BOD1L1: variants seen among roughly 807,000 people sequenced by gnomAD.
The protein encoded by BOD1L1 is biorientation of chromosomes in cell division 1 like 1, also known as biorientation of chromosomes in cell division protein 1-like 1.
In BOD1L1, 86 loss-of-function variants were observed where a neutral mutation model predicts 240.7. The ratio of observed to expected loss-of-function variants is 0.36; its 90% CI spans 0.30 to 0.43. BOD1L1 has a LOEUF of 0.43. BOD1L1 is among the 20% of genes least tolerant of loss of function. The pLI, the probability that BOD1L1 is intolerant of heterozygous loss-of-function variation, is 1.00. For synonymous variants in BOD1L1, 1,268 were observed against 1,272.3 expected, an observed-to-expected ratio of 1.00 and a Z score of 0.07; for missense variants, 3,554 against 3,643.5, an observed-to-expected ratio of 0.98 and a Z score of 0.63.
At position 13,595,842 on chromosome 4, in the gene BOD1L1, C is replaced by T. The variant is rs1195218878; in HGVS notation, c.8104+18G>A. Reference sequence around the variant, plus strand: ...GCAAAAACAAAAACAATGTGAACAACCATTCTAAAGAGCTCACCTATTCCA... The same window carrying T: ...GCAAAAACAAAAACAATGTGAACAATCATTCTAAAGAGCTCACCTATTCCA... On this transcript the variant is annotated intron_variant, in intron 12 of 25. Coordinates refer to ENST00000040738, the MANE Select transcript of BOD1L1 (RefSeq NM_148894.3). The T allele has an allele frequency of 1.9e-6, 3 of 1,599,466 alleles. No homozygotes were observed. Among genetic ancestry groups the T allele is most frequent in the African/African-American group, 1.3e-5 (1 of 74,182 alleles).
rs1051479176 is a variant in BOD1L1, at chr4:13,627,537, G to A, written c.51C>T (p.Pro17=). The change falls in exon 1 of 26, where the codon CCC becomes CCT. Residue 17 remains proline, a synonymous_variant. Coordinates refer to ENST00000040738, the MANE Select transcript of BOD1L1 (RefSeq NM_148894.3). ...GTGGCTGCGGCTGCGGCTGCGGCGG[G>A]GGAGGCGGCGGCGCCGGAGGAGGCG... is the stretch of plus-strand genomic sequence containing the variant. The part of the protein sequence containing the change: ...PQPPPPAPPP[P]PPQPQPQPPP... 23 of 1,124,084 alleles carry A rather than the reference G, an allele frequency of 2.0e-5. No individual in the cohort carries two copies. In the African/African-American group the frequency reaches 3.1e-4, roughly 15 times the overall value. 69.6% of individuals were successfully genotyped at this position (1,124,084 alleles called of 1,614,324 possible). A position where few individuals can be genotyped will look rare whatever the true frequency, so the allele number is the denominator to read the frequency against.
At chr4:13,591,264 C>T (rs1231646645) in intron 13 of BOD1L1, among the ~76,000 whole-genome samples, 4 of 152,166 alleles carry the variant, frequency 2.6e-5, no homozygotes, top group East Asian at 1.9e-4. Flanking sequence ...TTTTCTCTTT[C>T]TTCTTATTCA....
intron 9 of BOD1L1, among the ~76,000 whole-genome samples, chr4:13,606,695 G>A (rs1475195354): frequency 3.9e-5 from 6 of 152,148 alleles, no homozygotes. Context: ...AACATGAAAT[G>A]AGTAAAATGT....
At chr4:13,575,353 G>C (rs1453386352) in intron 25 of BOD1L1, among the ~76,000 whole-genome samples, 1 of 152,042 alleles carries the variant, frequency 6.6e-6, no homozygotes, top group Non-Finnish European at 1.5e-5. Flanking sequence ...AAGATTAATA[G>C]CTTGTAAATC....
chr4:13,608,061 T>C (rs1393970105), intron 8 of BOD1L1, among the ~76,000 whole-genome samples: 2 of 152,134 alleles, frequency 1.3e-5, no homozygotes, highest in African/African-American at 4.8e-5. Flanking sequence ...AAGTTAACGA[T>C]GATAATGCAG....
At chr4:13,627,174 T>C (rs1027714812) in intron 1 of BOD1L1, among the ~76,000 whole-genome samples, 171 bp downstream of exon 1, 24 of 152,182 alleles carry the variant, frequency 1.6e-4, no homozygotes, top group Admixed American at 1.3e-4. Context: ...AGTAGGTACT[T>C]AAACACTAGT....
At position 13,599,166 on chromosome 4, in the gene BOD1L1, A is replaced by C. The variant is rs775663116; in HGVS notation, c.7734T>G (p.Ile2578Met). 1.1e-5 allele frequency: 17 copies of C among 1,614,008 alleles called. No homozygotes were observed. In the South Asian group the frequency reaches 1.9e-4, roughly 18 times the overall value. ...GAGGGATCATTGTGTGGGAAGGAGC[A>C]ATTTTTGATTCTTGGCCAGTAATAC... ...TKCITGQESK[I>M]APSHTMIPPA... The change falls in exon 10 of 26, where the codon ATT (isoleucine) becomes ATG (methionine). Residue 2578 changes from isoleucine (I) to methionine (M), a missense_variant. This residue lies in a region of BOD1L1 where 3,393 missense variants were observed against 3,427.1 expected (regional missense o/e 0.99). Coordinates refer to ENST00000040738, the MANE Select transcript of BOD1L1 (RefSeq NM_148894.3).
At chr4:13,588,010 C>T (rs191808790) in intron 15 of BOD1L1, among the ~76,000 whole-genome samples, 1 of 152,018 alleles carries the variant, frequency 6.6e-6, no homozygotes, top group Admixed American at 6.5e-5. Flanking sequence ...ACGGTGAAAC[C>T]CCGTCTCTAC....
At chr4:13,617,313 T>G (rs1716692564) in intron 2 of BOD1L1, among the ~76,000 whole-genome samples, 1 of 152,082 alleles carries the variant, frequency 6.6e-6, no homozygotes, top group South Asian at 2.1e-4. Context: ...ACTCCCAAAT[T>G]TTTGCTTCAG....
At chr4:13,623,162 C>T (rs2109001565) in intron 1 of BOD1L1, among the ~76,000 whole-genome samples, 1 of 152,258 alleles carries the variant, frequency 6.6e-6, no homozygotes, top group South Asian at 2.1e-4. Flanking sequence ...ATAGGACCTA[C>T]CATACATTAC....
intron 21 of BOD1L1, 49 bp downstream of exon 21, chr4:13,580,971 T>C (rs2108891386): frequency 6.6e-7 from 1 of 1,508,028 alleles, no homozygotes; most frequent in Non-Finnish European, 8.9e-7. Flanking sequence ...ATACCGTTTT[T>C]CAGGTTAAGA....
chr4:13,595,640 T>C (rs1714560294), intron 12 of BOD1L1, among the ~76,000 whole-genome samples: 1 of 152,196 alleles, frequency 6.6e-6, no homozygotes, highest in African/African-American at 2.4e-5. Flanking sequence ...GTAATCAGAT[T>C]TAAACAATTA....
At chr4:13,594,310 C>A (rs1350129191) in intron 12 of BOD1L1, among the ~76,000 whole-genome samples, 1 of 152,196 alleles carries the variant, frequency 6.6e-6, no homozygotes, top group Non-Finnish European at 1.5e-5. Context: ...TGGTCACATA[C>A]TCTATAGTTC....
At chr4:13,594,700 T>C (rs564458216) in intron 12 of BOD1L1, among the ~76,000 whole-genome samples, 2 of 151,960 alleles carry the variant, frequency 1.3e-5, no homozygotes, top group African/African-American at 2.4e-5. Context: ...ATCGAGACCA[T>C]CCTGGCCAAT....
At chr4:13,581,265 A>T (rs952181458) in intron 19 of BOD1L1, 58 bp from the exon 20 acceptor site, 2 of 1,214,918 alleles carry the variant, frequency 1.6e-6, no homozygotes, top group African/African-American at 3.1e-5. Flanking sequence ...ATCCTTTATT[A>T]TATAAAGTTT....
In BOD1L1 at chr4:13,599,368, G is replaced by A. The variant is rs754054463; in HGVS notation, c.7532C>T (p.Thr2511Met). 9.9e-6 allele frequency: 16 copies of A among 1,613,970 alleles called. No homozygotes were observed. The highest frequency in any genetic ancestry group is 3.3e-5 in the Admixed American group (2 of 60,022). ...GGGATCCTTAGCCGTCTGCCCAGACGTCTGTTCTGGTCCTCTCAGGTGGGC... is the reference window on the plus strand; with the variant it reads ...GGGATCCTTAGCCGTCTGCCCAGACATCTGTTCTGGTCCTCTCAGGTGGGC... ...SPAHLRGPEQ[T>M]SGQTAKDPSV... Residue 2511 changes from threonine (T) to methionine (M), a missense_variant, in exon 10 of 26, where the codon ACG becomes ATG. By Grantham distance (81) the Thr-to-Met change is moderately conservative. Transcript: ENST00000040738.
In BOD1L1 at chr4:13,599,442, T is replaced by A; in HGVS notation, c.7458A>T (p.Thr2486=). The A allele has an allele frequency of 6.2e-7, 1 of 1,614,048 alleles. No homozygotes were observed. Among genetic ancestry groups the A allele is most frequent in the South Asian group, 1.1e-5 (1 of 91,088 alleles). Residue 2486 remains threonine (T), a synonymous_variant, in exon 10 of 26, where the codon ACA becomes ACT. Coordinates refer to ENST00000040738, the MANE Select transcript of BOD1L1 (RefSeq NM_148894.3). Reference sequence around the variant, plus strand: ...AGCCCCTTCCTGCTGAATAACTTGCTGTGCTACTGCCCCCTGCTGTCCCTG... The same window carrying A: ...AGCCCCTTCCTGCTGAATAACTTGCAGTGCTACTGCCCCCTGCTGTCCCTG... ...PETGTAGGSS[T]ASYSAGRGLE...
Position 13,588,815 on chromosome 4 carries a change from A to G in BOD1L1, c.8210-23T>C, listed in dbSNP as rs900553175. 7 of 1,469,490 alleles carry G rather than the reference A, an allele frequency of 4.8e-6. No individual in the cohort carries two copies. In the African/African-American group the frequency reaches 6.3e-5, roughly 13 times the overall value. 91.0% of individuals were successfully genotyped at this position (1,469,490 alleles called of 1,614,324 possible). ...TCTCTGAGTAATAAATACAAAAAAG[A>G]AAAAAAAATCTTAAATATTTTTATA... is the stretch of plus-strand genomic sequence containing the variant. On this transcript the variant is annotated intron_variant, in intron 14 of 25. Coordinates refer to ENST00000040738, the MANE Select transcript of BOD1L1 (RefSeq NM_148894.3).
chr4:13,603,895 T>G lies in BOD1L1; in HGVS notation c.3005A>C (p.Lys1002Thr). Residue 1002 changes from lysine to threonine, a missense_variant, in exon 10 of 26, where the codon AAG (lysine) becomes ACG (threonine). By Grantham distance (78) the Lys-to-Thr change is moderately conservative. This residue lies in a region of BOD1L1 where 3,393 missense variants were observed against 3,427.1 expected (regional missense o/e 0.99). Transcript: ENST00000040738. Reference protein sequence around the residue: ...AKLPLAKEKYKSDKDSTSTRL... With the variant: ...AKLPLAKEKYTSDKDSTSTRL... ...GGTGGAAGTGGAGTCTTTATCACTCTTATATTTCTCCTTTGCTAATGGTAA... is the reference window on the plus strand; with the variant it reads ...GGTGGAAGTGGAGTCTTTATCACTCGTATATTTCTCCTTTGCTAATGGTAA... 6.2e-7 allele frequency: 1 copy of G among 1,613,874 alleles called. No homozygotes were observed. Among genetic ancestry groups the G allele is most frequent in the Non-Finnish European group, 8.5e-7 (1 of 1,179,886 alleles).
Sources: gnomAD v4.1 joint callset for allele counts (sites outside exome capture counted in the v4.1 genomes callset) on GRCh38, gnomAD v4.1.1 for gene constraint, gnomAD v4.1.1 regional missense constraint, MANE v1.5 for transcripts, NCBI Gene and HGNC (gene_info 2026-07-23, HGNC 2026-07-21) for gene names.